The following PTPRR variants were observed in gnomAD, a reference collection of about 807,000 sequenced individuals.
The protein encoded by PTPRR is receptor-type tyrosine-protein phosphatase R.
In PTPRR, 38 loss-of-function variants were observed where a neutral mutation model predicts 77.2. The observed-to-expected ratio is 0.49, with a 90% CI of 0.38 to 0.65. The LOEUF is 0.65. PTPRR is among the 30% of genes least tolerant of loss of function. The pLI is 0.00. For missense variants in PTPRR, 744 were observed against 799.2 expected, an observed-to-expected ratio of 0.93 and a Z score of 0.83; for synonymous variants, 299 against 283.1, an observed-to-expected ratio of 1.06 and a Z score of -0.57.
intron 2 of PTPRR, among the ~76,000 whole-genome samples, chr12:70,865,540 C>G (rs998337856): frequency 2.0e-5 from 3 of 151,844 alleles, no homozygotes; most frequent in Admixed American, 6.6e-5. Context: ...GAGAGTCAGG[C>G]AGAAAAAAGA....
intron 2 of PTPRR, among the ~76,000 whole-genome samples, chr12:70,783,132 CAGGAAGA>C (rs2137000204): frequency 6.6e-6 from 1 of 152,250 alleles, no homozygotes; most frequent in South Asian, 2.1e-4. Flanking sequence ...GTCCTGCATT[CAGGAAGA>C]ATGAGGTATG....
At chr12:70,769,048 A>T (rs1257409668) in intron 2 of PTPRR, among the ~76,000 whole-genome samples, 51 of 139,940 alleles carry the variant, frequency 3.6e-4, no homozygotes, top group African/African-American at 1.5e-3. Context: ...CCCACAGCCA[A>T]TATCATACTG....
chr12:70,907,658 C>T (rs1296820507), intron 1 of PTPRR, among the ~76,000 whole-genome samples: 1 of 152,012 alleles, frequency 6.6e-6, no homozygotes, highest in Non-Finnish European at 1.5e-5. Context: ...TACCTTGGGA[C>T]AATGTGACTA....
chr12:70,744,531 A>G (rs1241373343), intron 6 of PTPRR, among the ~76,000 whole-genome samples: 1 of 152,146 alleles, frequency 6.6e-6, no homozygotes, highest in Non-Finnish European at 1.5e-5. Context: ...TTTTTATGTC[A>G]TCCATTGTTC....
intron 2 of PTPRR, among the ~76,000 whole-genome samples, chr12:70,852,581 A>G (rs1892588931): frequency 6.6e-6 from 1 of 152,190 alleles, no homozygotes; most frequent in African/African-American, 2.4e-5. Context: ...TGTTAAGCTA[A>G]GCCCCTTCAT....
intron 2 of PTPRR, among the ~76,000 whole-genome samples, chr12:70,874,384 C>T (rs1893013812): frequency 6.6e-6 from 1 of 152,070 alleles, no homozygotes; most frequent in Non-Finnish European, 1.5e-5. Flanking sequence ...ACTCACAAAG[C>T]TAACAGACTG....
intron 2 of PTPRR, among the ~76,000 whole-genome samples, chr12:70,864,379 G>C (rs532914869): frequency 6.6e-5 from 10 of 152,270 alleles, no homozygotes; most frequent in African/African-American, 2.4e-4. Flanking sequence ...AATCTTCTGT[G>C]GTCCCCTAAT....
intron 2 of PTPRR, among the ~76,000 whole-genome samples, chr12:70,855,238 G>A (rs1892632794): frequency 6.6e-6 from 1 of 152,164 alleles, no homozygotes; most frequent in Non-Finnish European, 1.5e-5. Flanking sequence ...TTACTGCGAT[G>A]GATGTTTTAC....
At chr12:70,831,564 T>C (rs1892213310) in intron 2 of PTPRR, among the ~76,000 whole-genome samples, 1 of 152,172 alleles carries the variant, frequency 6.6e-6, no homozygotes, top group Non-Finnish European at 1.5e-5. Flanking sequence ...TGTGCTGGCT[T>C]CATTCTGGGT....
intron 10 of PTPRR, among the ~76,000 whole-genome samples, chr12:70,663,676 T>G (rs1450070550): frequency 6.6e-6 from 1 of 152,166 alleles, no homozygotes; most frequent in Non-Finnish European, 1.5e-5. Context: ...TACCACAAAT[T>G]TTGATGATAA....
rs371846386 is a variant in PTPRR, at chr12:70,714,566, A to T, written c.1008-13243T>A. On this transcript the variant is annotated intron_variant, in intron 6 of 13. Coordinates refer to ENST00000283228, the MANE Select transcript of PTPRR (RefSeq NM_002849.4). Reference sequence around the variant, plus strand: ...GGATTTCATAATTAAATGCACAATTATATATATATGTTAATAGATATTTAT... The same window carrying T: ...GGATTTCATAATTAAATGCACAATTTTATATATATGTTAATAGATATTTAT... Among the ~76,000 whole-genome samples the T allele has an allele frequency of 1.4e-4, 22 of 152,316 alleles. No homozygotes were observed. In the South Asian group the frequency reaches 4.4e-3, roughly 30 times the overall value.
intron 3 of PTPRR, among the ~76,000 whole-genome samples, chr12:70,763,698 G>T (rs1890745227): frequency 6.6e-6 from 1 of 152,168 alleles, no homozygotes; most frequent in Admixed American, 6.5e-5. Flanking sequence ...TTAAGGCTGG[G>T]GGAACATGGA....
chr12:70,783,869 GGGGGGGC>G (rs1425559386), intron 2 of PTPRR, among the ~76,000 whole-genome samples: 12,141 of 115,072 alleles, frequency 0.11, 842 homozygotes, highest in African/African-American at 0.15. Context: ...GGGACGGGGG[GGGGGGGC>G]GGGGGGCGGG....
At chr12:70,907,310 C>G (rs1304520251) in intron 1 of PTPRR, among the ~76,000 whole-genome samples, 1 of 152,148 alleles carries the variant, frequency 6.6e-6, no homozygotes, top group African/African-American at 2.4e-5. Flanking sequence ...TGATTTTAAT[C>G]ACCTTGTAAA....
intron 13 of PTPRR, among the ~76,000 whole-genome samples, chr12:70,648,839 C>T (rs1258699286): frequency 2.0e-5 from 3 of 151,560 alleles, no homozygotes; most frequent in East Asian, 3.9e-4. Flanking sequence ...ATAAAACATT[C>T]GTGGGTGCCT....
intron 6 of PTPRR, among the ~76,000 whole-genome samples, chr12:70,719,369 C>T (rs902755421): frequency 2.0e-5 from 3 of 152,024 alleles, no homozygotes; most frequent in Non-Finnish European, 4.4e-5. Context: ...CGAGGCTGCC[C>T]GGCCCCATCC....
intron 5 of PTPRR, among the ~76,000 whole-genome samples, chr12:70,748,457 G>A (rs1431513091): frequency 2.6e-5 from 4 of 152,116 alleles, no homozygotes; most frequent in East Asian, 3.9e-4. Flanking sequence ...AAAGCTTACC[G>A]TAGCAATGGC....
At chr12:70,755,186 T>C (rs1890530916) in intron 4 of PTPRR, among the ~76,000 whole-genome samples, 2 of 152,190 alleles carry the variant, frequency 1.3e-5, no homozygotes, top group Admixed American at 6.5e-5. Context: ...TAGTCCATGA[T>C]TGGGAAAAAC....
At chr12:70,660,411 T>C (rs978013361) in intron 12 of PTPRR, among the ~76,000 whole-genome samples, 4 of 152,256 alleles carry the variant, frequency 2.6e-5, no homozygotes, top group African/African-American at 9.6e-5. Context: ...TTGTTTTCCT[T>C]TGGTGACTTG....
Sources: gnomAD v4.1 joint callset for allele counts (sites outside exome capture counted in the v4.1 genomes callset) on GRCh38, gnomAD v4.1.1 for gene constraint, MANE v1.5 for transcripts, NCBI Gene and HGNC (gene_info 2026-07-23, HGNC 2026-07-21) for gene names.